The following PCDH9 variants were observed in gnomAD, a reference collection of about 807,000 sequenced individuals.
PCDH9 encodes the protein protocadherin 9.
In PCDH9, 24 loss-of-function variants were observed where a neutral mutation model predicts 70.6. That is an observed-to-expected ratio of 0.34 (90% CI 0.25 to 0.48). The LOEUF (loss-of-function observed/expected upper bound fraction) is 0.48. Among genes scored for constraint, PCDH9 ranks in the 20% least tolerant of loss-of-function variants. The probability of loss-of-function intolerance (pLI) is 0.99; values close to 1 mark genes in which losing one functional copy is unlikely to be tolerated. For synonymous variants in PCDH9, 562 were observed against 558.5 expected (o/e 1.01, Z -0.09); for missense variants, 1,281 against 1,503.6 (o/e 0.85, Z 2.45).
chr13:67,125,774 T>C (rs547040379), intron 2 of PCDH9, among the ~76,000 whole-genome samples: 1 of 152,222 alleles, frequency 6.6e-6, no homozygotes, highest in South Asian at 2.1e-4. Context: ...TTTAACATTG[T>C]CACAGGGTCT....
At chr13:67,120,619 A>G (rs1235541652) in intron 2 of PCDH9, among the ~76,000 whole-genome samples, 5 of 152,126 alleles carry the variant, frequency 3.3e-5, no homozygotes, top group Non-Finnish European at 7.3e-5. Flanking sequence ...TTGCTTACAT[A>G]TACTTTACTC....
chr13:67,125,521 A>G lies in PCDH9; in HGVS notation c.3036+99884T>C, dbSNP rs1467203723. Among the ~76,000 whole-genome samples the G allele has an allele frequency of 5.3e-5, 8 of 152,146 alleles. No homozygotes were observed. In the East Asian group the frequency reaches 1.5e-3, roughly 29 times the overall value. ...TTAAGCTACAGAAAAATCACAGCAT[A>G]ATTATGAACATGGTGTACATGCAAA... On this transcript the variant is annotated intron_variant, in intron 2 of 4. Transcript: ENST00000377865.
intron 4 of PCDH9, among the ~76,000 whole-genome samples, chr13:66,341,097 T>C (rs1370656254): frequency 6.6e-6 from 1 of 152,082 alleles, no homozygotes; most frequent in Admixed American, 6.6e-5. Context: ...TGAAAATGAC[T>C]TGCTTTATTT....
At chr13:66,713,423 T>A (rs1318620809) in intron 3 of PCDH9, among the ~76,000 whole-genome samples, 1 of 151,520 alleles carries the variant, frequency 6.6e-6, no homozygotes, top group Non-Finnish European at 1.5e-5. Flanking sequence ...TGGATTTTTC[T>A]TTTTTTCTTC....
chr13:66,551,110 C>A (rs761785580), intron 4 of PCDH9, among the ~76,000 whole-genome samples: 1 of 152,094 alleles, frequency 6.6e-6, no homozygotes, highest in Non-Finnish European at 1.5e-5. Context: ...GGAACCAGAG[C>A]TTTTCTACTA....
intron 2 of PCDH9, among the ~76,000 whole-genome samples, chr13:67,003,608 G>A (rs2084288847): frequency 6.6e-6 from 1 of 152,036 alleles, no homozygotes; most frequent in African/African-American, 2.4e-5. Flanking sequence ...AATGTACCTG[G>A]AAACATCACA....
At chr13:66,579,101 TA>T (rs1170861661) in intron 4 of PCDH9, among the ~76,000 whole-genome samples, 18 of 152,080 alleles carry the variant, frequency 1.2e-4, no homozygotes. Flanking sequence ...ATTGCATATG[TA>T]ATGGAAGCCC....
In PCDH9 at chr13:66,562,484, C is replaced by T. The variant is rs150109553; in HGVS notation, c.3340+68726G>A. Among the ~76,000 whole-genome samples the T allele has an allele frequency of 1.4e-4, 21 of 152,176 alleles. No homozygotes were observed. The East Asian group carries it at 3.9e-3, about 28-fold the overall frequency. On this transcript the variant is annotated intron_variant, in intron 4 of 4. Coordinates refer to ENST00000377865, the MANE Select transcript of PCDH9 (RefSeq NM_203487.3). ...CACAGTTCCGCATGGCTGGGGAGGC[C>T]TCACAATCATGGCGGAAGGCAAAGT...
intron 4 of PCDH9, among the ~76,000 whole-genome samples, chr13:66,598,572 G>C (rs1325340243): frequency 6.6e-6 from 1 of 151,700 alleles, no homozygotes; most frequent in Non-Finnish European, 1.5e-5. Context: ...TTAATAAAGA[G>C]CAAAACTGCT....
intron 2 of PCDH9, among the ~76,000 whole-genome samples, chr13:67,178,427 A>G (rs1484389415): frequency 6.6e-6 from 1 of 152,064 alleles, no homozygotes; most frequent in Non-Finnish European, 1.5e-5. Flanking sequence ...TCCAAAAACT[A>G]TTTCTTACTA....
intron 4 of PCDH9, among the ~76,000 whole-genome samples, chr13:66,506,008 G>A (rs1474321632): frequency 6.6e-6 from 1 of 152,094 alleles, no homozygotes; most frequent in Non-Finnish European, 1.5e-5. Flanking sequence ...AGGGTAATCT[G>A]TACTCTCATA....
At chr13:67,211,584 T>C (rs1402003633) in intron 2 of PCDH9, 2 of 152,112 alleles carry the variant, frequency 1.3e-5, no homozygotes, top group African/African-American at 4.8e-5. Context: ...ACATAGTCTG[T>C]CTTGGCTGTA....
At chr13:66,897,179 G>T (rs1396754034) in intron 3 of PCDH9, among the ~76,000 whole-genome samples, 1 of 151,354 alleles carries the variant, frequency 6.6e-6, no homozygotes, top group East Asian at 2.0e-4. Context: ...GTTGCCTCTG[G>T]TATACTTGCT....
intron 2 of PCDH9, among the ~76,000 whole-genome samples, chr13:67,068,785 A>G (rs260140): frequency 0.89 from 135,494 of 152,180 alleles, 60,405 homozygotes; most frequent in East Asian, 0.97. Flanking sequence ...TCAACTATTT[A>G]TGTAAAAACA....
chr13:66,666,185 A>C (rs765671660), intron 3 of PCDH9, among the ~76,000 whole-genome samples: 3 of 152,246 alleles, frequency 2.0e-5, no homozygotes, highest in African/African-American at 7.2e-5. Flanking sequence ...TCCAGAAGTC[A>C]GAGCTGGAAA....
At chr13:66,352,268 G>A (rs1387658376) in intron 4 of PCDH9, among the ~76,000 whole-genome samples, 1 of 150,696 alleles carries the variant, frequency 6.6e-6, no homozygotes. Flanking sequence ...TACCTCTTTT[G>A]TTCCCTTCAT....
chr13:67,051,382 A>ATTTTT lies in PCDH9; in HGVS notation c.3037-147782_3037-147778dup, dbSNP rs567408801. On this transcript the variant is annotated intron_variant, in intron 2 of 4. Transcript: ENST00000377865. ...CGAAATACCAGGAAAACAATACAAGATTTTTTTTTTTTTTTTTTTTTTTTT... is the reference window on the plus strand; with the variant it reads ...CGAAATACCAGGAAAACAATACAAGATTTTTTTTTTTTTTTTTTTTTTTTTTTTTT... Among the ~76,000 whole-genome samples, 616 of 71,000 alleles carry ATTTTT rather than the reference A, an allele frequency of 8.7e-3. 51 individuals are homozygous for ATTTTT. Among genetic ancestry groups the ATTTTT allele is most frequent in the Non-Finnish European group, 0.012 (499 of 40,750 alleles). 46.6% of individuals were successfully genotyped at this position (71,000 alleles called of 152,430 possible).
At chr13:66,760,982 T>G (rs2079618212) in intron 3 of PCDH9, among the ~76,000 whole-genome samples, 1 of 152,118 alleles carries the variant, frequency 6.6e-6, no homozygotes, top group Admixed American at 6.6e-5. Flanking sequence ...CTGTTTCCTG[T>G]TAAGATGTTT....
At chr13:66,843,012 C>T (rs1038884537) in intron 3 of PCDH9, among the ~76,000 whole-genome samples, 4 of 152,164 alleles carry the variant, frequency 2.6e-5, no homozygotes, top group Admixed American at 6.5e-5. Flanking sequence ...TAGCCAAGTG[C>T]CACTTCACTC....
Sources: allele counts gnomAD v4.1 joint callset (sites outside exome capture counted in the v4.1 genomes callset), GRCh38; gene constraint gnomAD v4.1.1; transcripts MANE v1.5; gene names NCBI Gene and HGNC (gene_info 2026-07-23, HGNC 2026-07-21).